The following DZIP3 variants were observed in gnomAD, a reference collection of about 807,000 sequenced individuals.
DZIP3 encodes the protein E3 ubiquitin-protein ligase DZIP3.
A neutral mutation model predicts 162.0 loss-of-function variants in DZIP3; 118 were observed. The ratio of observed to expected loss-of-function variants is 0.73; its 90% CI spans 0.63 to 0.85. DZIP3 has a LOEUF of 0.85. Ranked by LOEUF, DZIP3 falls within the 40% of genes least tolerant of loss-of-function variation. The pLI is 0.00. For missense variants in DZIP3, 1,331 were observed against 1,407.0 expected, an observed-to-expected ratio of 0.95 and a Z score of 0.86; for synonymous variants, 438 against 458.6, an observed-to-expected ratio of 0.96 and a Z score of 0.57.
chr3:108,648,345 A>G (rs1942721832), intron 16 of DZIP3: 4 of 378,366 alleles, frequency 1.1e-5, no homozygotes, highest in African/African-American at 4.2e-5. Flanking sequence ...TGTGGCAGGC[A>G]TTATGCTAGA....
At position 108,631,052 on chromosome 3, in the gene DZIP3, C is replaced by CAT. The variant is rs1559741280; in HGVS notation, c.696+1877_696+1878insTA. On this transcript the variant is annotated intron_variant, in intron 8 of 32. Transcript: ENST00000361582. ...ACACACACACACACACACACACACA[C>CAT]ACACTCTCTCTCTCTCTCTCTCTCT... Among the ~76,000 whole-genome samples, 145 of 102,362 alleles carry CAT rather than the reference C, an allele frequency of 1.4e-3. 3 individuals are homozygous for CAT. Among genetic ancestry groups the CAT allele is most frequent in the South Asian group, 5.3e-3 (12 of 2,250 alleles). 67.2% of individuals were successfully genotyped at this position (102,362 alleles called of 152,430 possible). A position where few individuals can be genotyped will look rare whatever the true frequency, so the allele number is the denominator to read the frequency against.
intron 14 of DZIP3, 130 bp from the exon 15 acceptor site, chr3:108,646,487 G>C: frequency 1.4e-6 from 1 of 693,536 alleles, no homozygotes; most frequent in Non-Finnish European, 2.6e-6. Context: ...GATGAGCAAA[G>C]CTGGTTATTT....
At chr3:108,669,941 G>A (rs914915149) in intron 22 of DZIP3, among the ~76,000 whole-genome samples, 192 bp downstream of exon 22, 1 of 151,806 alleles carries the variant, frequency 6.6e-6, no homozygotes, top group African/African-American at 2.4e-5. Context: ...GGGAGGTATG[G>A]TCACTTTAGC....
chr3:108,598,111 G>A (rs1195160521), intron 1 of DZIP3, among the ~76,000 whole-genome samples: 1 of 152,146 alleles, frequency 6.6e-6, no homozygotes, highest in Non-Finnish European at 1.5e-5. Context: ...TACTAAGAAT[G>A]TGTAAATAGT....
At chr3:108,608,249 C>T (rs1576351782) in intron 3 of DZIP3, 91 bp downstream of exon 3, 15 of 1,080,730 alleles carry the variant, frequency 1.4e-5, no homozygotes, top group East Asian at 1.3e-4. Context: ...AGTTTAATTA[C>T]GTGTTAAAAT....
chr3:108,628,416 G>C (rs767909274), intron 7 of DZIP3, among the ~76,000 whole-genome samples: 1 of 152,126 alleles, frequency 6.6e-6, no homozygotes, highest in East Asian at 1.9e-4. Context: ...CCTAATTTTA[G>C]TGTAGTTCTG....
At chr3:108,672,538 C>A in intron 22 of DZIP3, 22 bp from the exon 23 acceptor site, 1 of 1,593,188 alleles carries the variant, frequency 6.3e-7, no homozygotes, top group Non-Finnish European at 8.6e-7. Context: ...TATTGCGAGT[C>A]TTTAATGATC....
chr3:108,646,147 T>C (rs1185796151), intron 14 of DZIP3, among the ~76,000 whole-genome samples: 4 of 152,194 alleles, frequency 2.6e-5, no homozygotes. Context: ...TTGTCTTTTT[T>C]TTTCTTCACC....
chr3:108,635,103 C>A, intron 10 of DZIP3, 131 bp downstream of exon 10: 1 of 531,374 alleles, frequency 1.9e-6, no homozygotes, highest in Non-Finnish European at 3.3e-6. Context: ...TTTTCTTTTT[C>A]TTTTACTTCC....
chr3:108,657,176 C>CA (rs1363226255), intron 19 of DZIP3, among the ~76,000 whole-genome samples: 1 of 152,062 alleles, frequency 6.6e-6, no homozygotes, highest in Non-Finnish European at 1.5e-5. Flanking sequence ...AACTCCAAGA[C>CA]ACATAATTGG....
chr3:108,654,337 C>T lies in DZIP3; in HGVS notation c.2199+27C>T, dbSNP rs767366374. On this transcript the variant is annotated intron_variant, in intron 19 of 32. Transcript: ENST00000361582. ...TAAGCATGATTAGAGAGGGTGCCTGCCTTCTCTTATTGTTATCTGGTTTTT... is the reference window on the plus strand; with the variant it reads ...TAAGCATGATTAGAGAGGGTGCCTGTCTTCTCTTATTGTTATCTGGTTTTT... 6 of 1,612,266 alleles carry T rather than the reference C, an allele frequency of 3.7e-6. 1 individual carries two copies. The Admixed American group carries it at 6.7e-5, about 18-fold the overall frequency.
At chr3:108,618,862 A>G (rs1162985636) in intron 5 of DZIP3, among the ~76,000 whole-genome samples, 1 of 151,942 alleles carries the variant, frequency 6.6e-6, no homozygotes, top group Non-Finnish European at 1.5e-5. Flanking sequence ...GGAGTTCGAG[A>G]CCAGCCTGAC....
chr3:108,602,252 A>G (rs888837689), intron 1 of DZIP3, among the ~76,000 whole-genome samples: 1 of 152,222 alleles, frequency 6.6e-6, no homozygotes, highest in Non-Finnish European at 1.5e-5. Flanking sequence ...AGCTTTAAAA[A>G]TGGAAACAAA....
Position 108,648,862 on chromosome 3 carries a change from A to G in DZIP3, c.1963-56A>G, listed in dbSNP as rs1942743582. 15 of 1,010,614 alleles carry G rather than the reference A, an allele frequency of 1.5e-5. 1 individual carries two copies. In the South Asian group the frequency reaches 2.3e-4, roughly 15 times the overall value. The allele number at this position is 1,010,614 out of a possible 1,614,324, so 62.6% of individuals were successfully genotyped here. On this transcript the variant is annotated intron_variant, in intron 16 of 32. Coordinates refer to ENST00000361582, the MANE Select transcript of DZIP3 (RefSeq NM_014648.4). ...GGTGAGAGGAAATATATTTTGCAAA[A>G]TAACCCATTGGGCAATTTGAATTAC...
Position 108,624,480 on chromosome 3 carries a change from C to T in DZIP3, c.412C>T (p.Leu138=). 6.3e-7 allele frequency: 1 copy of T among 1,596,820 alleles called. No individual in the cohort carries two copies. Among genetic ancestry groups the T allele is most frequent in the Non-Finnish European group, 8.6e-7 (1 of 1,168,642 alleles). ...TAATATTGGTTATTATTTGACATTA[C>T]TGTTTTTATATGGAGTAGCACTCAC... is the stretch of plus-strand genomic sequence containing the variant. ...QINIGYYLTL[L]FLYGVALTER... Residue 138 remains leucine, a synonymous_variant, in exon 6 of 33, where the codon CTG becomes TTG. Transcript: ENST00000361582.
At chr3:108,624,979 C>T (rs1941529091) in intron 6 of DZIP3, among the ~76,000 whole-genome samples, 2 of 151,738 alleles carry the variant, frequency 1.3e-5, no homozygotes, top group African/African-American at 2.4e-5. Context: ...GTATTTCTGA[C>T]TTCATAAATT....
intron 5 of DZIP3, among the ~76,000 whole-genome samples, chr3:108,620,302 C>T (rs1010526570): frequency 1.3e-5 from 2 of 152,204 alleles, no homozygotes; most frequent in African/African-American, 4.8e-5. Context: ...AAATTCCACA[C>T]TTCCAGAAGA....
chr3:108,605,325 T>C lies in DZIP3; in HGVS notation c.-72-10T>C, dbSNP rs920994971. 2 of 1,542,454 alleles carry C rather than the reference T, an allele frequency of 1.3e-6. No individual in the cohort carries two copies. Among genetic ancestry groups the C allele is most frequent in the African/African-American group, 1.4e-5 (1 of 72,320 alleles). Reference sequence around the variant, plus strand: ...TTCCTATCTTCATAAAAATATTATTTTCCTTACAGCATTAAAGGGCAGTAT... The same window carrying C: ...TTCCTATCTTCATAAAAATATTATTCTCCTTACAGCATTAAAGGGCAGTAT... On this transcript the variant is annotated splice_polypyrimidine_tract_variant and intron_variant, in intron 1 of 32. Transcript: ENST00000361582.
intron 10 of DZIP3, chr3:108,635,372 AT>A: frequency 3.2e-6 from 1 of 316,190 alleles, no homozygotes; most frequent in Non-Finnish European, 6.2e-6. Flanking sequence ...AGTTTTAAGG[AT>A]TTCCATTTTA....
Sources: allele counts gnomAD v4.1 joint callset (sites outside exome capture counted in the v4.1 genomes callset), GRCh38; gene constraint gnomAD v4.1.1; transcripts MANE v1.5; gene names NCBI Gene and HGNC (gene_info 2026-07-23, HGNC 2026-07-21).